The following RXRB variants were observed in gnomAD, a reference collection of about 807,000 sequenced individuals.
The protein encoded by RXRB is retinoic acid receptor RXR-beta.
RXRB carries 18 observed loss-of-function variants against 52.5 expected under a neutral mutation model. That is an observed-to-expected ratio of 0.34 (90% CI 0.24 to 0.51). The LOEUF is 0.51. Ranked by LOEUF, RXRB falls within the 20% of genes least tolerant of loss-of-function variation. The probability of loss-of-function intolerance (pLI) is 0.97; values close to 1 mark genes in which losing one functional copy is unlikely to be tolerated. For synonymous variants in RXRB, 233 were observed against 267.1 expected, an observed-to-expected ratio of 0.87 and a Z score of 1.25; for missense variants, 455 against 698.2, an observed-to-expected ratio of 0.65 and a Z score of 3.92.
chr6:33,199,361 G>T lies in RXRB; in HGVS notation c.291C>A (p.Pro97=). ...GTAGGGGTGGCCCAGGAGGAGAAGG[G>T]GGAGGGACTCCCTGGGGAAGGGGAT... ...SPNPLPQGVP[P]PSPPGPPLPP... is the part of the protein sequence containing the mutation. Residue 97 remains proline (P), a synonymous_variant, in exon 2 of 10, where the codon CCC becomes CCA. Coordinates refer to ENST00000374680, the MANE Select transcript of RXRB (RefSeq NM_021976.5). The T allele has an allele frequency of 8.1e-7, 1 of 1,241,544 alleles. No individual in the cohort carries two copies. The highest frequency in any genetic ancestry group is 1.0e-6 in the Non-Finnish European group (1 of 981,206). The allele number at this position is 1,241,544 out of a possible 1,614,324, so 76.9% of individuals were successfully genotyped here. A position where few individuals can be genotyped will look rare whatever the true frequency, so the allele number is the denominator to read the frequency against.
rs1229439558 is a variant in RXRB, at chr6:33,194,840, G to C, written c.1455-11C>G. 6.2e-7 allele frequency: 1 copy of C among 1,612,756 alleles called. No individual in the cohort carries two copies. The highest frequency in any genetic ancestry group is 8.5e-7 in the Non-Finnish European group (1 of 1,179,894). On this transcript the variant is annotated splice_polypyrimidine_tract_variant and intron_variant, in intron 9 of 9. Coordinates refer to ENST00000374680, the MANE Select transcript of RXRB (RefSeq NM_021976.5). This position sits in a 1 kb window ranked among gnomAD's most constrained non-coding sequence, Gnocchi z 4.1. ...AGCAGCTTGGCAAACCTGGGGTGGAGGTGGGAGAAGGGGATTGAGAGCTGG... is the reference window on the plus strand; with the variant it reads ...AGCAGCTTGGCAAACCTGGGGTGGACGTGGGAGAAGGGGATTGAGAGCTGG...
chr6:33,198,740 G>A (rs1774121391), intron 2 of RXRB: 1 of 581,794 alleles, frequency 1.7e-6, no homozygotes, highest in Non-Finnish European at 3.1e-6. Context: ...TCAGATAGAT[G>A]AAAAGGACAT....
intron 1 of RXRB, chr6:33,199,703 A>C (rs932401781): frequency 1.8e-5 from 8 of 437,876 alleles, no homozygotes; most frequent in Non-Finnish European, 2.6e-5. Context: ...AAAAAAACCC[A>C]AAAACAGCGT....
rs1346852747 is a variant in RXRB, at chr6:33,199,415, G to A, written c.237C>T (p.Asp79=). 11 of 1,253,296 alleles carry A rather than the reference G, an allele frequency of 8.8e-6. No individual in the cohort carries two copies. Among genetic ancestry groups the A allele is most frequent in the Non-Finnish European group, 1.1e-5 (11 of 990,738 alleles). The allele number at this position is 1,253,296 out of a possible 1,614,324, so 77.6% of individuals were successfully genotyped here. Reference sequence around the variant, plus strand: ...GGGAGGAGCTGTCTGGGCTTCGGGAGTCTGAGGGAGGGGTATGTACAGGCA... The same window carrying A: ...GGGAGGAGCTGTCTGGGCTTCGGGAATCTGAGGGAGGGGTATGTACAGGCA... The part of the protein sequence containing the change: ...GRDGMGDSGR[D]SRSPDSSSPN... The change falls in exon 2 of 10, where the codon GAC becomes GAT. Residue 79 remains aspartate (D), a splice_region_variant and synonymous_variant. Coordinates refer to ENST00000374680, the MANE Select transcript of RXRB (RefSeq NM_021976.5).
Position 33,194,671 on chromosome 6 carries a change from T to C in RXRB, c.*11A>G. ...CCTCCAGTGTGAGAAGCACCACGTC[T>C]GGGTCTGAGCTCAGGCCAGTTGATG... is the stretch of plus-strand genomic sequence containing the variant. On this transcript the variant is annotated 3_prime_UTR_variant, in exon 10 of 10. Coordinates refer to ENST00000374680, the MANE Select transcript of RXRB (RefSeq NM_021976.5). This position sits in a 1 kb window ranked among gnomAD's most constrained non-coding sequence, Gnocchi z 4.1. 3.1e-6 allele frequency: 5 copies of C among 1,612,034 alleles called. No homozygotes were observed. The highest frequency in any genetic ancestry group is 4.2e-6 in the Non-Finnish European group (5 of 1,179,420).
At position 33,199,295 on chromosome 6, in the gene RXRB, TGG is replaced by T; in HGVS notation, c.355_356del (p.Pro119ThrfsTer44). On this transcript the variant is annotated frameshift_variant, in exon 2 of 10. Transcript: ENST00000374680. LOFTEE classifies it high-confidence loss of function. The stretch of plus-strand genomic sequence containing the variant: ...GGGGTGGTGGCATCGGGGGTGGGGG[TGG>T]GGCCCCAGAGCCTCCAAGGGATGGA... The part of the protein sequence containing the change: ...TAPSLGGSGA[P>X]PPPPMPPPPL... 1 of 75,698 alleles carries T rather than the reference TGG, an allele frequency of 1.3e-5. No homozygotes were observed. The highest frequency in any genetic ancestry group is 1.6e-5 in the Non-Finnish European group (1 of 61,498). 4.7% of individuals were successfully genotyped at this position (75,698 alleles called of 1,614,324 possible).
At position 33,196,313 on chromosome 6, in the gene RXRB, C is replaced by G. The variant is rs1324694039; in HGVS notation, c.993+121G>C. ...GAAAGACCTTGTTTGGCAGCACCTC[C>G]AGTCCCAAGTAGTGTTAGGAAGGTT... is the stretch of plus-strand genomic sequence containing the variant. On this transcript the variant is annotated intron_variant, in intron 5 of 9. Coordinates refer to ENST00000374680, the MANE Select transcript of RXRB (RefSeq NM_021976.5). This position sits in a 1 kb window ranked among gnomAD's most constrained non-coding sequence, Gnocchi z 4.0. 1.8e-6 allele frequency: 2 copies of G among 1,129,314 alleles called. No individual in the cohort carries two copies. Among genetic ancestry groups the G allele is most frequent in the Non-Finnish European group, 2.7e-6 (2 of 744,932 alleles). 70.0% of individuals were successfully genotyped at this position (1,129,314 alleles called of 1,614,324 possible).
In RXRB at chr6:33,196,070, T is replaced by A. The variant is rs1339021246; in HGVS notation, c.994-34A>T. ...GACGGGGGTAAGAGTTATGGAAGAT[T>A]TTGAGATATGCTGGGAGCCCCCTTG... On this transcript the variant is annotated intron_variant, in intron 5 of 9. Coordinates refer to ENST00000374680, the MANE Select transcript of RXRB (RefSeq NM_021976.5). The surrounding 1 kb of genome is among the most constrained non-coding windows in gnomAD (Gnocchi z 4.0). 30 of 1,611,690 alleles carry A rather than the reference T, an allele frequency of 1.9e-5. No individual in the cohort carries two copies. The highest frequency in any genetic ancestry group is 2.4e-5 in the Non-Finnish European group (28 of 1,179,096).
Position 33,197,856 on chromosome 6 carries a change from C to G in RXRB, c.726G>C (p.Arg242=), listed in dbSNP as rs770637993. Residue 242 remains arginine, a synonymous_variant, in exon 4 of 10, where the codon CGG becomes CGC. Coordinates refer to ENST00000374680, the MANE Select transcript of RXRB (RefSeq NM_021976.5). The surrounding 1 kb of genome is among the most constrained non-coding windows in gnomAD (Gnocchi z 4.4). The part of the protein sequence containing the change: ...TIRKDLTYSC[R]DNKDCTVDKR... ...TGTCCACTGTGCAGTCTTTGTTGTC[C>G]CGGCAAGAGTATGTAAGGTCTTTGC... is the stretch of plus-strand genomic sequence containing the variant. 6.2e-7 allele frequency: 1 copy of G among 1,613,840 alleles called. No individual in the cohort carries two copies. The highest frequency in any genetic ancestry group is 2.2e-5 in the East Asian group (1 of 44,886).
At position 33,200,627 on chromosome 6, in the gene RXRB, T is replaced by C. The variant is rs555014685; in HGVS notation, c.-151A>G. 2.0e-6 allele frequency: 3 copies of C among 1,510,254 alleles called. No individual in the cohort carries two copies. The South Asian group carries it at 3.9e-5, about 19-fold the overall frequency. The allele number at this position is 1,510,254 out of a possible 1,614,324, so 93.6% of individuals were successfully genotyped here. The stretch of plus-strand genomic sequence containing the variant: ...CCCGTCGCTCTGCTCAGTACCAAAA[T>C]GACAGCGCCAATGTGGCAGCCATCT... On this transcript the variant is annotated 5_prime_UTR_variant, in exon 1 of 10. Coordinates refer to ENST00000374680, the MANE Select transcript of RXRB (RefSeq NM_021976.5). The surrounding 1 kb of genome is among the most constrained non-coding windows in gnomAD (Gnocchi z 6.3).
intron 3 of RXRB, 53 bp downstream of exon 3, chr6:33,198,255 T>C: frequency 6.2e-7 from 1 of 1,610,800 alleles, no homozygotes; most frequent in South Asian, 1.1e-5. Context: ...ATCCCACAGG[T>C]GATGATACAT....
rs2744534 is a variant in RXRB at position 33,196,368 on chromosome 6, G to A, written c.993+66C>T. The A allele has an allele frequency of 3.4e-6, 5 of 1,490,262 alleles. No homozygotes were observed. Among genetic ancestry groups the A allele is most frequent in the Admixed American group, 1.7e-5 (1 of 59,854 alleles). 92.3% of individuals were successfully genotyped at this position (1,490,262 alleles called of 1,614,324 possible). On this transcript the variant is annotated intron_variant, in intron 5 of 9. Coordinates refer to ENST00000374680, the MANE Select transcript of RXRB (RefSeq NM_021976.5). The surrounding 1 kb of genome is among the most constrained non-coding windows in gnomAD (Gnocchi z 4.0). ...GGGGAAAGGAGGGGGAGGGGATGTA[G>A]AACAGACCTAGACTGCCTCCCCCAA...
Position 33,200,651 on chromosome 6 carries a change from C to G in RXRB, c.-175G>C, listed in dbSNP as rs1021781948. 1.3e-6 allele frequency: 2 copies of G among 1,530,494 alleles called. No individual in the cohort carries two copies. The highest frequency in any genetic ancestry group is 2.7e-5 in the African/African-American group (2 of 72,748). The allele number at this position is 1,530,494 out of a possible 1,614,324, so 94.8% of individuals were successfully genotyped here. On this transcript the variant is annotated 5_prime_UTR_variant, in exon 1 of 10. Coordinates refer to ENST00000374680, the MANE Select transcript of RXRB (RefSeq NM_021976.5). This position sits in a 1 kb window ranked among gnomAD's most constrained non-coding sequence, Gnocchi z 6.3. ...ATGACAGCGCCAATGTGGCAGCCAT[C>G]TTTGTACAGACGGGAAGTCTCGGCG...
chr6:33,199,639 C>T (rs1583422147), intron 1 of RXRB: 3 of 504,522 alleles, frequency 5.9e-6, no homozygotes, highest in South Asian at 5.9e-5. Context: ...AACTTATTAA[C>T]ATTTGTGTCA....
intron 1 of RXRB, chr6:33,199,742 T>A: frequency 1.8e-5 from 7 of 399,692 alleles, no homozygotes; most frequent in East Asian, 5.1e-5. Context: ...GAGGAGGGAG[T>A]TGACAAGGAG....
intron 1 of RXRB, 122 bp from the exon 2 acceptor site, chr6:33,199,538 C>G (rs1294986058): frequency 1.4e-6 from 1 of 728,964 alleles, no homozygotes; most frequent in Non-Finnish European, 2.0e-6. Flanking sequence ...CGTGCCGGAC[C>G]CAGCCCACTC....
At position 33,200,144 on chromosome 6, in the gene RXRB, G is replaced by A. The variant is rs981633142; in HGVS notation, c.235+98C>T. On this transcript the variant is annotated intron_variant, in intron 1 of 9. Transcript: ENST00000374680. This position sits in a 1 kb window ranked among gnomAD's most constrained non-coding sequence, Gnocchi z 6.3. ...GGGACGCGTGTTTACAAACAAGGGG[G>A]CGGGAGCGCAAGGAAAAGAGCACCG... 2 of 1,489,724 alleles carry A rather than the reference G, an allele frequency of 1.3e-6. No individual in the cohort carries two copies. The highest frequency in any genetic ancestry group is 1.8e-6 in the Non-Finnish European group (2 of 1,083,292). 92.3% of individuals were successfully genotyped at this position (1,489,724 alleles called of 1,614,324 possible). A position where few individuals can be genotyped will look rare whatever the true frequency, so the allele number is the denominator to read the frequency against.
At position 33,200,608 on chromosome 6, in the gene RXRB, G is replaced by C; in HGVS notation, c.-132C>G. ...TGGATTGGGTCGAATTAAGCCCGTC[G>C]CTCTGCTCAGTACCAAAATGACAGC... On this transcript the variant is annotated 5_prime_UTR_variant, in exon 1 of 10. Transcript: ENST00000374680. This position sits in a 1 kb window ranked among gnomAD's most constrained non-coding sequence, Gnocchi z 6.3. 1 of 1,495,910 alleles carries C rather than the reference G, an allele frequency of 6.7e-7. No individual in the cohort carries two copies. Among genetic ancestry groups the C allele is most frequent in the Non-Finnish European group, 8.9e-7 (1 of 1,122,792 alleles). The allele number at this position is 1,495,910 out of a possible 1,614,324, so 92.7% of individuals were successfully genotyped here.
chr6:33,195,847 G>T lies in RXRB; in HGVS notation c.1123+60C>A. Reference sequence around the variant, plus strand: ...AGGTAAGGCCACTGGGGTCACTAAAGATCGGGAAGTCAAAGAGGGGTCAAA... The same window carrying T: ...AGGTAAGGCCACTGGGGTCACTAAATATCGGGAAGTCAAAGAGGGGTCAAA... On this transcript the variant is annotated intron_variant, in intron 6 of 9. Coordinates refer to ENST00000374680, the MANE Select transcript of RXRB (RefSeq NM_021976.5). This position sits in a 1 kb window ranked among gnomAD's most constrained non-coding sequence, Gnocchi z 8.6. 2 of 1,606,016 alleles carry T rather than the reference G, an allele frequency of 1.2e-6. No homozygotes were observed. The highest frequency in any genetic ancestry group is 1.7e-6 in the Non-Finnish European group (2 of 1,177,896).
Sources: allele counts gnomAD v4.1 joint callset, GRCh38; gene constraint gnomAD v4.1.1; non-coding constraint Gnocchi (gnomAD v3.1); transcripts MANE v1.5; gene names NCBI Gene and HGNC (gene_info 2026-07-23, HGNC 2026-07-21).